ADRA1B: variants seen among roughly 807,000 people sequenced by gnomAD.
ADRA1B encodes alpha-1B adrenergic receptor.
ADRA1B carries 17 observed loss-of-function variants against 17.9 expected under a neutral mutation model. The observed-to-expected ratio is 0.95, with a 90% CI of 0.65 to 1.42. The LOEUF (loss-of-function observed/expected upper bound fraction) is 1.42, where lower values mean the gene tolerates loss of function less well. Ranked by LOEUF, ADRA1B falls within the 40% of genes most tolerant of loss-of-function variation. ADRA1B has a pLI of 0.00. For synonymous variants in ADRA1B, 366 were observed against 327.6 expected (o/e 1.12, Z -1.27); for missense variants, 681 against 722.1 (o/e 0.94, Z 0.65).
At chr5:159,980,212 C>A in the ADRA1B span, among the ~76,000 whole-genome samples, 18 of 151,988 alleles carry the variant, frequency 1.2e-4, no homozygotes, top group Non-Finnish European at 1.5e-5. Flanking sequence ...GTGGCTGGAT[C>A]GGTGGTCACA....
At chr5:159,945,690 TG>T (rs1335962037) in intron 1 of ADRA1B, among the ~76,000 whole-genome samples, 1 of 151,766 alleles carries the variant, frequency 6.6e-6, no homozygotes, top group African/African-American at 2.4e-5. Flanking sequence ...TTGAAAATCA[TG>T]GGGGGGTTTT....
chr5:159,880,529 C>T (rs935522558), intron 1 of ADRA1B, among the ~76,000 whole-genome samples: 8 of 152,324 alleles, frequency 5.3e-5, no homozygotes, highest in African/African-American at 1.2e-4. Flanking sequence ...CCCATCTAAA[C>T]CTTCATCTAA....
intron 1 of ADRA1B, among the ~76,000 whole-genome samples, chr5:159,894,111 C>A (rs1367021164): frequency 6.6e-6 from 1 of 152,214 alleles, no homozygotes; most frequent in Non-Finnish European, 1.5e-5. Flanking sequence ...TGTTAGAAAC[C>A]CCCTCCCTAC....
chr5:159,950,873 G>T, intron 1 of ADRA1B: 1 of 589,486 alleles, frequency 1.7e-6, no homozygotes, highest in East Asian at 3.8e-5. Flanking sequence ...AGTGCCAGTA[G>T]AGGCAGGGGT....
intron 1 of ADRA1B, among the ~76,000 whole-genome samples, chr5:159,890,677 C>T (rs1753973746): frequency 6.6e-6 from 1 of 152,198 alleles, no homozygotes. Context: ...TTACACATGA[C>T]ACCTGGGCTC....
intron 1 of ADRA1B, among the ~76,000 whole-genome samples, chr5:159,927,430 T>TA (rs968454326): frequency 2.5e-4 from 33 of 132,440 alleles, no homozygotes; most frequent in African/African-American, 8.3e-4. Context: ...CATAGAACCC[T>TA]AAAAAAAATG....
chr5:159,914,191 A>G (rs926173464), upstream of ADRA1B, among the ~76,000 whole-genome samples: 1 of 152,196 alleles, frequency 6.6e-6, no homozygotes, highest in South Asian at 2.1e-4. Context: ...CTATCTGCAG[A>G]CAGACTAGTC....
chr5:159,956,671 T>C (rs929460682), intron 1 of ADRA1B, among the ~76,000 whole-genome samples: 2 of 152,202 alleles, frequency 1.3e-5, no homozygotes, highest in African/African-American at 4.8e-5. Context: ...AATACTTACG[T>C]AGGCTAAATT....
At chr5:159,931,673 A>G (rs1020506738) in intron 1 of ADRA1B, among the ~76,000 whole-genome samples, 10 of 152,238 alleles carry the variant, frequency 6.6e-5, no homozygotes, top group Non-Finnish European at 1.2e-4. Context: ...AATAAATGAC[A>G]GAATTTATTG....
chr5:159,933,402 G>A (rs1754867312), intron 1 of ADRA1B, among the ~76,000 whole-genome samples: 1 of 152,160 alleles, frequency 6.6e-6, no homozygotes, highest in East Asian at 1.9e-4. Flanking sequence ...TTACTCTCTG[G>A]GAAGGGTGTA....
chr5:159,935,793 C>A (rs1463758645), intron 1 of ADRA1B, among the ~76,000 whole-genome samples: 2 of 152,178 alleles, frequency 1.3e-5, no homozygotes, highest in East Asian at 3.9e-4. Flanking sequence ...GTGATCCGCT[C>A]GCCTCAGCCT....
At chr5:159,924,139 A>G (rs991222944) in intron 1 of ADRA1B, among the ~76,000 whole-genome samples, 3 of 152,382 alleles carry the variant, frequency 2.0e-5, no homozygotes, top group African/African-American at 4.8e-5. Flanking sequence ...GAAAGTTAGG[A>G]AAATGCTGTG....
chr5:159,905,208 G>C (rs907804311), intron 1 of ADRA1B, among the ~76,000 whole-genome samples: 1 of 152,230 alleles, frequency 6.6e-6, no homozygotes, highest in African/African-American at 2.4e-5. Flanking sequence ...GAAAGGAAGA[G>C]AGGGTTGCAG....
chr5:159,940,362 C>T (rs1463097992), intron 1 of ADRA1B, among the ~76,000 whole-genome samples: 4 of 152,166 alleles, frequency 2.6e-5, no homozygotes, highest in Non-Finnish European at 5.9e-5. Flanking sequence ...TCTTATCCTC[C>T]AGTATCCCCC....
Position 159,917,042 on chromosome 5 carries a change from T to C in ADRA1B, c.137T>C (p.Ile46Thr), listed in dbSNP as rs373907667. ...CCCCAGCTGGACATCACCAGGGCCA[T>C]CTCTGTGGGCCTGGTGCTGGGCGCC... ...TLPQLDITRA[I>T]SVGLVLGAFI... Residue 46 changes from isoleucine (I) to threonine (T), a missense_variant, in exon 1 of 2, where the codon ATC becomes ACC. Around this residue, in one of 3 missense-constraint regions of ADRA1B, gnomAD observed 424 missense variants for 480.2 expected, o/e 0.88. Coordinates refer to ENST00000306675, the MANE Select transcript of ADRA1B (RefSeq NM_000679.4). The C allele has an allele frequency of 1.9e-5, 31 of 1,613,964 alleles. No individual in the cohort carries two copies. The highest frequency in any genetic ancestry group is 1.7e-5 in the Admixed American group (1 of 60,004).
At chr5:159,936,632 C>A (rs1322551531) in intron 1 of ADRA1B, among the ~76,000 whole-genome samples, 1 of 151,422 alleles carries the variant, frequency 6.6e-6, no homozygotes, top group Non-Finnish European at 1.5e-5. Context: ...GTGCTTTTAG[C>A]CAAAAATTAG....
intron 1 of ADRA1B, among the ~76,000 whole-genome samples, chr5:159,890,415 G>A (rs1753970017): frequency 6.6e-6 from 1 of 152,128 alleles, no homozygotes; most frequent in African/African-American, 2.4e-5. Flanking sequence ...AAAACGTAGA[G>A]GCTTAAAACA....
intron 1 of ADRA1B, among the ~76,000 whole-genome samples, chr5:159,928,237 A>T (rs1561595974): frequency 6.6e-6 from 1 of 152,170 alleles, no homozygotes; most frequent in South Asian, 2.1e-4. Flanking sequence ...GGCTGGAATC[A>T]GTGCAGGGGG....
intron 1 of ADRA1B, among the ~76,000 whole-genome samples, chr5:159,919,468 T>G (rs924449686): frequency 6.6e-6 from 1 of 152,248 alleles, no homozygotes; most frequent in Non-Finnish European, 1.5e-5. Flanking sequence ...CCTCAGTTTC[T>G]TCGTCTACAA....
Sources: allele counts gnomAD v4.1 joint callset (sites outside exome capture counted in the v4.1 genomes callset), GRCh38; gene constraint gnomAD v4.1.1; regional missense constraint gnomAD v4.1.1; transcripts MANE v1.5; gene names NCBI Gene and HGNC (gene_info 2026-07-23, HGNC 2026-07-21).